Variants in COG3 observed in about 807,000 individuals in gnomAD.
The protein encoded by COG3 is conserved oligomeric Golgi complex subunit 3.
A neutral mutation model predicts 114.1 loss-of-function variants in COG3; 32 were observed. The observed-to-expected ratio is 0.28, with a 90% CI of 0.21 to 0.38. The LOEUF (loss-of-function observed/expected upper bound fraction) is 0.38, where lower values mean the gene tolerates loss of function less well. COG3 is among the 10% of genes least tolerant of loss of function. The probability of loss-of-function intolerance (pLI) is 1.00; values close to 1 mark genes in which losing one functional copy is unlikely to be tolerated. For missense variants in COG3, 813 were observed against 973.2 expected (o/e 0.84, Z 2.19); for synonymous variants, 352 against 365.7 (o/e 0.96, Z 0.43).
chr13:45,482,456 A>T lies in COG3; in HGVS notation c.700A>T (p.Thr234Ser), dbSNP rs777404133. The T allele has an allele frequency of 1.3e-6, 2 of 1,510,934 alleles. No individual in the cohort carries two copies. The highest frequency in any genetic ancestry group is 2.3e-5 in the South Asian group (2 of 86,496). 93.6% of individuals were successfully genotyped at this position (1,510,934 alleles called of 1,614,324 possible). ...PMLAKLDDCI[T>S]YISSHPNFKD... The stretch of plus-strand genomic sequence containing the variant: ...GCTGGCCAAGTTAGATGATTGTATA[A>T]CATATATCTCATCTCATGTAAGTCA... Residue 234 changes from threonine (T) to serine (S), a missense_variant, in exon 6 of 23, where the codon ACA becomes TCA. By Grantham distance (58) the Thr-to-Ser change is moderately conservative. Coordinates refer to ENST00000349995, the MANE Select transcript of COG3 (RefSeq NM_031431.4).
chr13:45,504,090 A>G (rs1869852325), intron 14 of COG3, among the ~76,000 whole-genome samples: 1 of 152,120 alleles, frequency 6.6e-6, no homozygotes. Context: ...CCCAGCTATA[A>G]GAGTGGCCCT....
chr13:45,522,242 G>A (rs867692088), intron 19 of COG3, among the ~76,000 whole-genome samples: 12 of 151,310 alleles, frequency 7.9e-5, no homozygotes, highest in South Asian at 2.1e-4. Context: ...TGGGTGTAAG[G>A]CTCATCAACA....
chr13:45,491,587 A>T (rs1887020919), intron 10 of COG3, 49 bp downstream of exon 10: 1 of 1,571,818 alleles, frequency 6.4e-7, no homozygotes, highest in Non-Finnish European at 8.7e-7. Flanking sequence ...CTCTTGAGTT[A>T]TGTTGATATC....
intron 20 of COG3, among the ~76,000 whole-genome samples, chr13:45,529,233 T>A (rs1190150280): frequency 6.6e-6 from 1 of 152,240 alleles, no homozygotes; most frequent in East Asian, 1.9e-4. Flanking sequence ...TCTATGTAAC[T>A]CCTTCAGACA....
At chr13:45,512,988 AT>A (rs11449840) in intron 16 of COG3, among the ~76,000 whole-genome samples, 5 of 146,436 alleles carry the variant, frequency 3.4e-5, no homozygotes, top group African/African-American at 1.2e-4. Context: ...AGACCCTGAG[AT>A]TTTTTTTTTT....
At chr13:45,533,833 T>A (rs1873373068) in intron 22 of COG3, among the ~76,000 whole-genome samples, 1 of 152,242 alleles carries the variant, frequency 6.6e-6, no homozygotes, top group Non-Finnish European at 1.5e-5. Flanking sequence ...TTCATCATGA[T>A]TACATTTAGG....
At chr13:45,519,244 A>C in intron 19 of COG3, 150 bp downstream of exon 19, 1 of 903,716 alleles carries the variant, frequency 1.1e-6, no homozygotes, top group Non-Finnish European at 1.6e-6. Context: ...GTTTCCTATT[A>C]TGGAAGCTTT....
chr13:45,529,869 T>C lies in COG3; in HGVS notation c.2309T>C (p.Leu770Ser). Residue 770 changes from leucine (L) to serine (S), a missense_variant, in exon 21 of 23, where the codon TTG (leucine) becomes TCG (serine). Transcript: ENST00000349995. ...CCTGTGACATTGAGAAGTATGTCCT[T>C]GTACCTATCCAATAAAGATACCGAG... ...KLPVTLRSMS[L>S]YLSNKDTEFI... 1 of 1,613,666 alleles carries C rather than the reference T, an allele frequency of 6.2e-7. No individual in the cohort carries two copies. The highest frequency in any genetic ancestry group is 8.5e-7 in the Non-Finnish European group (1 of 1,179,732).
chr13:45,478,263 C>T (rs918050508), intron 2 of COG3, among the ~76,000 whole-genome samples: 2 of 150,394 alleles, frequency 1.3e-5, no homozygotes, highest in Non-Finnish European at 2.9e-5. Context: ...GTGATCTCGG[C>T]TCACTGCAAG....
intron 13 of COG3, 33 bp from the exon 14 acceptor site, chr13:45,503,211 A>G (rs767367568): frequency 9.5e-7 from 1 of 1,052,996 alleles, no homozygotes; most frequent in South Asian, 1.3e-5. Context: ...CACTGCTGAA[A>G]ACGGTAACAT....
chr13:45,517,113 A>C (rs998245797), intron 17 of COG3, among the ~76,000 whole-genome samples: 2 of 152,200 alleles, frequency 1.3e-5, no homozygotes, highest in African/African-American at 4.8e-5. Context: ...ATTACTTACA[A>C]ATTTATGTAA....
At chr13:45,465,367 G>A (rs1885071382) in intron 1 of COG3, 157 bp downstream of exon 1, 1 of 1,245,386 alleles carries the variant, frequency 8.0e-7, no homozygotes, top group Non-Finnish European at 1.1e-6. Flanking sequence ...TCATCTCCCA[G>A]GCTGTCAGGC....
At chr13:45,474,648 A>G (rs1259554460) in intron 1 of COG3, among the ~76,000 whole-genome samples, 2 of 152,186 alleles carry the variant, frequency 1.3e-5, no homozygotes, top group African/African-American at 4.8e-5. Flanking sequence ...ATATAGCCCT[A>G]TTTGAACCCA....
chr13:45,530,890 T>C, intron 22 of COG3, 110 bp downstream of exon 22: 1 of 1,353,856 alleles, frequency 7.4e-7, no homozygotes, highest in Non-Finnish European at 9.6e-7. Flanking sequence ...TAAAAAATAT[T>C]ACCTTCTTTT....
chr13:45,484,134 G>T (rs936170008), intron 7 of COG3, among the ~76,000 whole-genome samples: 2 of 152,162 alleles, frequency 1.3e-5, no homozygotes, highest in African/African-American at 4.8e-5. Flanking sequence ...TCTAAAGAAC[G>T]TGGAGTGTCT....
At chr13:45,478,205 T>A (rs1290788053) in intron 2 of COG3, among the ~76,000 whole-genome samples, 1 of 151,972 alleles carries the variant, frequency 6.6e-6, no homozygotes, top group Non-Finnish European at 1.5e-5. Flanking sequence ...CCTTTTTTTT[T>A]TTTTGAGACG....
At chr13:45,473,361 G>T (rs964922387) in intron 1 of COG3, among the ~76,000 whole-genome samples, 1 of 151,944 alleles carries the variant, frequency 6.6e-6, no homozygotes, top group African/African-American at 2.4e-5. Flanking sequence ...TTATTGTGAG[G>T]GTACAAGCAA....
chr13:45,490,909 T>C lies in COG3; in HGVS notation c.925-6T>C. The C allele has an allele frequency of 6.4e-7, 1 of 1,573,030 alleles. No homozygotes were observed. Among genetic ancestry groups the C allele is most frequent in the Non-Finnish European group, 8.7e-7 (1 of 1,151,456 alleles). ...GTTTTTTGATGCATTTTTTCTTACT[T>C]TGCAGACTCTTATTGAACAAATAGA... On this transcript the variant is annotated splice_polypyrimidine_tract_variant and splice_region_variant and intron_variant, in intron 8 of 22. Transcript: ENST00000349995.
At chr13:45,473,149 G>T (rs1165984143) in intron 1 of COG3, among the ~76,000 whole-genome samples, 1 of 152,148 alleles carries the variant, frequency 6.6e-6, no homozygotes, top group East Asian at 1.9e-4. Context: ...GATTACAGGT[G>T]TGAGCCACTG....
Sources: gnomAD v4.1 joint callset for allele counts (sites outside exome capture counted in the v4.1 genomes callset) on GRCh38, gnomAD v4.1.1 for gene constraint, MANE v1.5 for transcripts, NCBI Gene and HGNC (gene_info 2026-07-23, HGNC 2026-07-21) for gene names.